The following GIPC1 variants were observed in gnomAD, a reference collection of about 807,000 sequenced individuals.
GIPC1 encodes the protein PDZ domain-containing protein GIPC1.
Under a neutral mutation model 28.5 loss-of-function variants are expected in GIPC1, and 15 were observed. The observed-to-expected ratio is 0.53, with a 90% CI of 0.35 to 0.81. The LOEUF is 0.81. Among genes scored for constraint, GIPC1 ranks in the 30% least tolerant of loss-of-function variants. The pLI is 0.01. For synonymous variants in GIPC1, 224 were observed against 206.1 expected, an observed-to-expected ratio of 1.09 and a Z score of -0.74; for missense variants, 439 against 481.9, an observed-to-expected ratio of 0.91 and a Z score of 0.83.
rs762552708 is a variant in GIPC1, at chr19:14,480,575, C to T, written c.474+18G>A. On this transcript the variant is annotated intron_variant, in intron 5 of 8. Transcript: ENST00000393033. ...CCCTCACTCCCAGGCCTCCGGGGTGCCCCGTCTCCCCAGGCACCTTGATGA... is the reference window on the plus strand; with the variant it reads ...CCCTCACTCCCAGGCCTCCGGGGTGTCCCGTCTCCCCAGGCACCTTGATGA... 1 of 1,611,010 alleles carries T rather than the reference C, an allele frequency of 6.2e-7. No individual in the cohort carries two copies. Among genetic ancestry groups the T allele is most frequent in the South Asian group, 1.1e-5 (1 of 90,630 alleles).
At chr19:14,480,155 G>C in intron 6 of GIPC1, 150 bp downstream of exon 6, 1 of 658,568 alleles carries the variant, frequency 1.5e-6, no homozygotes, top group Middle Eastern at 4.2e-4. Flanking sequence ...CCCCGTCTGG[G>C]GTCGGGAGGA....
At chr19:14,484,401 G>A (rs113547784) in intron 3 of GIPC1, among the ~76,000 whole-genome samples, 13,524 of 150,918 alleles carry the variant, frequency 0.09, 666 homozygotes, top group South Asian at 0.13. Flanking sequence ...CTCCCAAAGC[G>A]CTGGGATTAA....
chr19:14,485,609 G>T (rs1415251542), intron 3 of GIPC1, among the ~76,000 whole-genome samples: 1 of 150,078 alleles, frequency 6.7e-6, no homozygotes, highest in South Asian at 2.1e-4. Context: ...CAGAGATCGT[G>T]CCAATGCACT....
intron 6 of GIPC1, 184 bp downstream of exon 6, chr19:14,480,121 C>G: frequency 1.6e-6 from 1 of 607,186 alleles, no homozygotes; most frequent in Non-Finnish European, 2.9e-6. Context: ...CCGCCCTTCT[C>G]CCAGGCTGGG....
intron 4 of GIPC1, chr19:14,482,142 C>T (rs1470477590): frequency 2.4e-5 from 4 of 164,686 alleles, no homozygotes; most frequent in Non-Finnish European, 5.3e-5. Flanking sequence ...ATCAGCTCCC[C>T]ACAATCTACT....
intron 3 of GIPC1, among the ~76,000 whole-genome samples, chr19:14,487,908 T>C (rs970338854): frequency 6.6e-6 from 1 of 152,062 alleles, no homozygotes; most frequent in Non-Finnish European, 1.5e-5. Flanking sequence ...CTCAAACTCC[T>C]GGGCTCAAGT....
In GIPC1 at chr19:14,478,801, C is replaced by A; in HGVS notation, c.769-36G>T. 6.9e-7 allele frequency: 1 copy of A among 1,440,894 alleles called. No individual in the cohort carries two copies. The highest frequency in any genetic ancestry group is 9.8e-7 in the Non-Finnish European group (1 of 1,022,174). 89.3% of individuals were successfully genotyped at this position (1,440,894 alleles called of 1,614,324 possible). ...GGGAGGGGTGACAGCGACATCATAA[C>A]AATGTGAATATACATAGTAATTGGA... On this transcript the variant is annotated intron_variant, in intron 7 of 8. Transcript: ENST00000393033. The surrounding 1 kb of genome is among the most constrained non-coding windows in gnomAD (Gnocchi z 5.2).
chr19:14,485,912 A>G (rs1034064672), intron 3 of GIPC1, among the ~76,000 whole-genome samples: 5 of 151,698 alleles, frequency 3.3e-5, no homozygotes, highest in African/African-American at 1.2e-4. Flanking sequence ...CTGGGACTAC[A>G]AGTGCCCGCC....
chr19:14,488,665 C>T (rs546040932), intron 3 of GIPC1, among the ~76,000 whole-genome samples: 3 of 151,180 alleles, frequency 2.0e-5, no homozygotes, highest in African/African-American at 7.3e-5. Flanking sequence ...ATTAGCTGGG[C>T]GTAGTGGTGC....
intron 3 of GIPC1, among the ~76,000 whole-genome samples, chr19:14,485,029 G>A (rs1449208789): frequency 6.6e-6 from 1 of 151,578 alleles, no homozygotes; most frequent in African/African-American, 2.4e-5. Context: ...CCGTGGTGGC[G>A]GGCGTCTGTA....
rs774465885 is a variant in GIPC1 at position 14,478,436 on chromosome 19, C to A, written c.982G>T (p.Ala328Ser). ...VFDVWGAIGDAKVGRY is the reference protein window; with the variant it reads ...VFDVWGAIGDSKVGRY ...CAGTCCTAGTAGCGGCCGACCTTGG[C>A]GTCCCCAATGGCGCCCCAGACGTCA... The change falls in exon 9 of 9, where the codon GCC becomes TCC. Residue 328 changes from alanine (A) to serine (S), a missense_variant. By Grantham distance (99) the Ala-to-Ser change is moderately conservative. Transcript: ENST00000393033. This position sits in a 1 kb window ranked among gnomAD's most constrained non-coding sequence, Gnocchi z 5.2. 2 of 1,610,408 alleles carry A rather than the reference C, an allele frequency of 1.2e-6. No individual in the cohort carries two copies. The highest frequency in any genetic ancestry group is 1.1e-5 in the South Asian group (1 of 90,548).
chr19:14,496,076 T>TCCGCCGCCTCCGCCGCCGCCGCCTCCGCC lies in GIPC1; in HGVS notation c.-215_-214insGGCGGAGGCGGCGGCGGCGGAGGCGGCGG, dbSNP rs1568371792. The TCCGCCGCCTCCGCCGCCGCCGCCTCCGCC allele has an allele frequency of 4.9e-6, 1 of 203,588 alleles. No homozygotes were observed. Among genetic ancestry groups the TCCGCCGCCTCCGCCGCCGCCGCCTCCGCC allele is most frequent in the Admixed American group, 6.6e-5 (1 of 15,190 alleles). The allele number at this position is 203,588 out of a possible 1,614,324, so 12.6% of individuals were successfully genotyped here. ...CCGCCGCCGCCGCCGCCGCCGCCGC[T>TCCGCCGCCTCCGCCGCCGCCGCCTCCGCC]GCCTCCGCCTCCCCGTGCGCACCCG... is the stretch of plus-strand genomic sequence containing the variant. On this transcript the variant is annotated 5_prime_UTR_variant, in exon 1 of 9. Transcript: ENST00000393033.
chr19:14,480,533 C>T (rs1441224036), intron 5 of GIPC1, 48 bp from the exon 6 acceptor site: 7 of 1,604,178 alleles, frequency 4.4e-6, no homozygotes, highest in Non-Finnish European at 5.1e-6. Context: ...CCCTGGTTTC[C>T]GGGGTCCCAT....
chr19:14,485,992 G>A (rs1303671465), intron 3 of GIPC1, among the ~76,000 whole-genome samples: 5 of 151,962 alleles, frequency 3.3e-5, no homozygotes, highest in African/African-American at 9.7e-5. Flanking sequence ...GGATGGTCTC[G>A]ATCTCCTGAC....
chr19:14,493,968 AT>A (rs144372364), intron 1 of GIPC1, among the ~76,000 whole-genome samples: 154 of 119,566 alleles, frequency 1.3e-3, no homozygotes, highest in African/African-American at 4.7e-3. Context: ...GCCTATTTTT[AT>A]TTTTTTTTGA....
intron 6 of GIPC1, 124 bp downstream of exon 6, chr19:14,480,181 C>G: frequency 1.2e-6 from 1 of 811,368 alleles, no homozygotes; most frequent in Non-Finnish European, 2.0e-6. Flanking sequence ...AACCCCTTCC[C>G]TTTCTGCAAC....
Position 14,480,590 on chromosome 19 carries a change from C to A in GIPC1, c.474+3G>T, listed in dbSNP as rs768618180. 4 of 1,613,382 alleles carry A rather than the reference C, an allele frequency of 2.5e-6. No individual in the cohort carries two copies. The South Asian group carries it at 3.3e-5, about 13-fold the overall frequency. ...CTCCGGGGTGCCCCGTCTCCCCAGGCACCTTGATGAAGGCGTAGCCAGCCC... is the reference window on the plus strand; with the variant it reads ...CTCCGGGGTGCCCCGTCTCCCCAGGAACCTTGATGAAGGCGTAGCCAGCCC... On this transcript the variant is annotated splice_donor_region_variant and intron_variant, in intron 5 of 8. Transcript: ENST00000393033.
intron 1 of GIPC1, among the ~76,000 whole-genome samples, chr19:14,493,207 T>C (rs2072006938): frequency 6.6e-6 from 1 of 152,228 alleles, no homozygotes; most frequent in African/African-American, 2.4e-5. Context: ...CATGCTGCCC[T>C]GGCAGAACTC....
At position 14,479,411 on chromosome 19, in the gene GIPC1, C is replaced by A. The variant is rs1371167417; in HGVS notation, c.768+1G>T. The A allele has an allele frequency of 1.5e-6, 2 of 1,320,754 alleles. No individual in the cohort carries two copies. The highest frequency in any genetic ancestry group is 3.4e-5 in the Admixed American group (1 of 29,736). 81.8% of individuals were successfully genotyped at this position (1,320,754 alleles called of 1,614,324 possible). On this transcript the variant is annotated splice_donor_variant, in intron 7 of 8. Transcript: ENST00000393033. LOFTEE classifies it high-confidence loss of function. The stretch of plus-strand genomic sequence containing the variant: ...AGATAGGGTCCGGCTGGAGCACTCA[C>A]CAGATCCTCCACCGTGGCGGGGCCC...
Sources: allele counts gnomAD v4.1 joint callset (sites outside exome capture counted in the v4.1 genomes callset), GRCh38; gene constraint gnomAD v4.1.1; non-coding constraint Gnocchi (gnomAD v3.1); transcripts MANE v1.5; gene names NCBI Gene and HGNC (gene_info 2026-07-23, HGNC 2026-07-21).